The following TEAD1 variants were observed in gnomAD, a reference collection of about 807,000 sequenced individuals.
TEAD1 encodes transcriptional enhancer factor TEF-1.
Under a neutral mutation model 54.9 loss-of-function variants are expected in TEAD1, and 9 were observed. That is an observed-to-expected ratio of 0.16 (90% CI 0.10 to 0.29). TEAD1 has a LOEUF of 0.29. Ranked by LOEUF, TEAD1 falls within the 10% of genes least tolerant of loss-of-function variation. TEAD1 has a pLI of 1.00. For missense variants in TEAD1, 387 were observed against 535.9 expected, an observed-to-expected ratio of 0.72 and a Z score of 2.74; for synonymous variants, 200 against 187.8, an observed-to-expected ratio of 1.07 and a Z score of -0.53.
At chr11:12,692,490 C>A (rs182015983) in intron 2 of TEAD1, among the ~76,000 whole-genome samples, 36 of 152,216 alleles carry the variant, frequency 2.4e-4, no homozygotes, top group Non-Finnish European at 4.0e-4. Context: ...ACATTTAATG[C>A]CCCTCACCCA....
At chr11:12,729,388 C>T (rs1205544986) in intron 2 of TEAD1, among the ~76,000 whole-genome samples, 1 of 152,196 alleles carries the variant, frequency 6.6e-6, no homozygotes, top group Non-Finnish European at 1.5e-5. Context: ...TAAGAATCTG[C>T]ATTTCTAAGA....
At chr11:12,706,985 T>C (rs996977281) in intron 2 of TEAD1, among the ~76,000 whole-genome samples, 4 of 152,186 alleles carry the variant, frequency 2.6e-5, no homozygotes, top group South Asian at 2.1e-4. Context: ...TTCACCATGC[T>C]GTTTTACCCT....
intron 9 of TEAD1, among the ~76,000 whole-genome samples, chr11:12,885,365 A>G (rs945636973): frequency 9.3e-5 from 14 of 151,284 alleles, no homozygotes; most frequent in Non-Finnish European, 1.9e-4. Context: ...CCTCCCGAGT[A>G]GCTGGGACTA....
intron 3 of TEAD1, among the ~76,000 whole-genome samples, chr11:12,833,257 A>G (rs1046001064): frequency 6.6e-6 from 1 of 152,208 alleles, no homozygotes; most frequent in Admixed American, 6.5e-5. Flanking sequence ...ATTTTTAATC[A>G]AGACTTTATC....
intron 2 of TEAD1, among the ~76,000 whole-genome samples, chr11:12,697,854 C>T (rs967321158): frequency 6.6e-6 from 1 of 152,240 alleles, no homozygotes; most frequent in African/African-American, 2.4e-5. Flanking sequence ...GAAACTCCGT[C>T]TCTACTAAAA....
intron 2 of TEAD1, among the ~76,000 whole-genome samples, chr11:12,755,674 A>G (rs974755634): frequency 6.6e-6 from 1 of 152,168 alleles, no homozygotes; most frequent in Non-Finnish European, 1.5e-5. Context: ...GTGTTTCCCG[A>G]GGTTAAGTTG....
At chr11:12,768,104 G>A (rs560654617) in intron 3 of TEAD1, among the ~76,000 whole-genome samples, 2 of 152,302 alleles carry the variant, frequency 1.3e-5, no homozygotes, top group African/African-American at 4.8e-5. Context: ...GGCAGGGACA[G>A]GAACTAACCT....
At chr11:12,739,933 G>A (rs1162752755) in intron 2 of TEAD1, among the ~76,000 whole-genome samples, 1 of 152,174 alleles carries the variant, frequency 6.6e-6, no homozygotes, top group Non-Finnish European at 1.5e-5. Context: ...GACTTAACAG[G>A]TAACACAAAC....
At chr11:12,728,364 A>T (rs1167953861) in intron 2 of TEAD1, among the ~76,000 whole-genome samples, 2 of 152,170 alleles carry the variant, frequency 1.3e-5, no homozygotes, top group Admixed American at 6.5e-5. Flanking sequence ...CCTGTATATT[A>T]GTTACACTTT....
At chr11:12,853,956 G>GC (rs1177510701) in intron 3 of TEAD1, among the ~76,000 whole-genome samples, 4 of 152,002 alleles carry the variant, frequency 2.6e-5, no homozygotes, top group Non-Finnish European at 5.9e-5. Context: ...TTTTTAATAA[G>GC]CCCCTGGGTG....
At chr11:12,926,931 T>G (rs1948913472) in intron 11 of TEAD1, among the ~76,000 whole-genome samples, 1 of 152,166 alleles carries the variant, frequency 6.6e-6, no homozygotes, top group Non-Finnish European at 1.5e-5. Flanking sequence ...ATTGGGAGTG[T>G]GGAAGATGAG....
chr11:12,907,617 C>G (rs1442947464), intron 10 of TEAD1, among the ~76,000 whole-genome samples: 3 of 152,176 alleles, frequency 2.0e-5, no homozygotes, highest in Non-Finnish European at 2.9e-5. Context: ...AGGTTCCTCT[C>G]TTTTTCAGCA....
chr11:12,741,825 G>A (rs888012219), intron 2 of TEAD1, among the ~76,000 whole-genome samples: 3 of 152,314 alleles, frequency 2.0e-5, no homozygotes, highest in South Asian at 2.1e-4. Context: ...AGCTTTTGCC[G>A]TGTGCCAGAG....
chr11:12,738,089 A>G (rs1944573177), intron 2 of TEAD1, among the ~76,000 whole-genome samples: 1 of 152,166 alleles, frequency 6.6e-6, no homozygotes, highest in Non-Finnish European at 1.5e-5. Flanking sequence ...ACTTATCTCC[A>G]TCTGGGTCCC....
At chr11:12,677,151 G>C (rs1182097068) in intron 2 of TEAD1, among the ~76,000 whole-genome samples, 1 of 152,116 alleles carries the variant, frequency 6.6e-6, no homozygotes, top group Non-Finnish European at 1.5e-5. Context: ...TGGAGGGTTG[G>C]AGGGTTTTTT....
chr11:12,833,464 G>A (rs928509331), intron 3 of TEAD1, among the ~76,000 whole-genome samples: 2 of 151,974 alleles, frequency 1.3e-5, no homozygotes, highest in Non-Finnish European at 2.9e-5. Context: ...CTAAGATAAT[G>A]AAAAAGGAGA....
Position 12,930,421 on chromosome 11 carries a change from G to C in TEAD1, c.1167+95G>C, listed in dbSNP as rs1009706395. On this transcript the variant is annotated intron_variant, in intron 12 of 12. Coordinates refer to ENST00000527636, the MANE Select transcript of TEAD1 (RefSeq NM_021961.6). Reference sequence around the variant, plus strand: ...GCCTGGGAGGCGCTGGGCCTGCGCCGAGGGAACTGACCAGGTTGTTGGATT... The same window carrying C: ...GCCTGGGAGGCGCTGGGCCTGCGCCCAGGGAACTGACCAGGTTGTTGGATT... The C allele has an allele frequency of 4.8e-6, 7 of 1,464,510 alleles. No homozygotes were observed. In the African/African-American group the frequency reaches 8.3e-5, roughly 17 times the overall value. 90.7% of individuals were successfully genotyped at this position (1,464,510 alleles called of 1,614,324 possible). A position where few individuals can be genotyped will look rare whatever the true frequency, so the allele number is the denominator to read the frequency against.
chr11:12,797,689 C>T (rs1309384045), intron 3 of TEAD1, among the ~76,000 whole-genome samples: 1 of 152,114 alleles, frequency 6.6e-6, no homozygotes. Context: ...ACTGTCCTAT[C>T]TGTGCAGAGG....
At chr11:12,845,530 A>G (rs17409787) in intron 3 of TEAD1, among the ~76,000 whole-genome samples, 12,311 of 152,280 alleles carry the variant, frequency 0.081, 710 homozygotes, top group Non-Finnish European at 0.12. Context: ...TGCATTAACA[A>G]TATACCTCCA....
Sources: gnomAD v4.1 joint callset for allele counts (sites outside exome capture counted in the v4.1 genomes callset) on GRCh38, gnomAD v4.1.1 for gene constraint, MANE v1.5 for transcripts, NCBI Gene and HGNC (gene_info 2026-07-23, HGNC 2026-07-21) for gene names.